TMEM183A: variants seen among roughly 807,000 people sequenced by gnomAD.
The protein encoded by TMEM183A is chromosome 1 open reading frame 37.
TMEM183A carries 21 observed loss-of-function variants against 46.7 expected under a neutral mutation model. That is an observed-to-expected ratio of 0.45 (90% confidence interval 0.32 to 0.65). The LOEUF is 0.65. Among genes scored for constraint, TMEM183A ranks in the 30% least tolerant of loss-of-function variants. The pLI is 0.04. For synonymous variants in TMEM183A, 165 were observed against 180.2 expected (o/e 0.92, Z 0.68); for missense variants, 331 against 481.9 (o/e 0.69, Z 2.93).
At position 203,024,480 on chromosome 1, in the gene TMEM183A, A is replaced by ATTTTTTTTTT. The variant is rs111906628; in HGVS notation, c.*1445_*1446insTTTTTTTTTT. ...TTGTGAGGCAAACTGCTAAATTCAC[A>ATTTTTTTTTT]TTTTTGTTTTTTTTTTTTTACCATC... is the stretch of plus-strand genomic sequence containing the variant. On this transcript the variant is annotated 3_prime_UTR_variant, in exon 8 of 8. Coordinates refer to ENST00000367242, the MANE Select transcript of TMEM183A (RefSeq NM_138391.6). The ATTTTTTTTTT allele has an allele frequency of 1.4e-5, 2 of 143,274 alleles. No individual in the cohort carries two copies. Among genetic ancestry groups the ATTTTTTTTTT allele is most frequent in the African/African-American group, 5.1e-5 (2 of 39,266 alleles). The allele number at this position is 143,274 out of a possible 1,614,324, so 8.9% of individuals were successfully genotyped here.
chr1:203,007,947 G>A, intron 2 of TMEM183A, 84 bp downstream of exon 2: 1 of 1,538,974 alleles, frequency 6.5e-7, no homozygotes, highest in South Asian at 1.2e-5. Flanking sequence ...CAGTCCTTTA[G>A]TCGTCTTCCT....
At chr1:203,008,942 C>T (rs1656279058) in intron 3 of TMEM183A, 132 bp downstream of exon 3, 3 of 930,256 alleles carry the variant, frequency 3.2e-6, no homozygotes, top group South Asian at 5.8e-5. Flanking sequence ...TTGGCTCTCC[C>T]TAAGAACCTT....
intron 3 of TMEM183A, among the ~76,000 whole-genome samples, chr1:203,009,929 T>G (rs187972910): frequency 6.6e-6 from 1 of 151,914 alleles, no homozygotes. Context: ...AGGTCAGGAG[T>G]TCGAGACCAT....
chr1:203,013,956 T>C lies in TMEM183A; in HGVS notation c.368-933T>C, dbSNP rs1335039896. Among the ~76,000 whole-genome samples, 2 of 152,058 alleles carry C rather than the reference T, an allele frequency of 1.3e-5. No individual in the cohort carries two copies. Among genetic ancestry groups the C allele is most frequent in the South Asian group, 2.1e-4 (1 of 4,828 alleles). ...TTTTAGTAGAGATGGAGTTTCACCATGTTGGCCAGGATGGTCTCGATCTCT... is the reference window on the plus strand; with the variant it reads ...TTTTAGTAGAGATGGAGTTTCACCACGTTGGCCAGGATGGTCTCGATCTCT... On this transcript the variant is annotated intron_variant, in intron 3 of 7. Transcript: ENST00000367242. The surrounding 1 kb of genome is among the most constrained non-coding windows in gnomAD (Gnocchi z 4.0).
At chr1:203,022,642 G>T (rs1657804645) in intron 7 of TMEM183A, among the ~76,000 whole-genome samples, 1 of 151,482 alleles carries the variant, frequency 6.6e-6, no homozygotes, top group Non-Finnish European at 1.5e-5. Context: ...GGCGGAGGTT[G>T]CAGTGAGCCG....
chr1:203,022,796 T>G (rs1434581057), intron 7 of TMEM183A, 59 bp from the exon 8 acceptor site: 2 of 1,609,064 alleles, frequency 1.2e-6, no homozygotes, highest in South Asian at 2.2e-5. Context: ...CATTTCAGAG[T>G]GAGCTCTTGG....
At chr1:203,014,795 T>G in intron 3 of TMEM183A, 94 bp from the exon 4 acceptor site, 2 of 1,510,702 alleles carry the variant, frequency 1.3e-6, no homozygotes, top group Non-Finnish European at 1.8e-6. Context: ...AACCATTTTC[T>G]TAACTGTGCA....
Position 203,018,645 on chromosome 1 carries a change from C to T in TMEM183A, c.789+84C>T. The T allele has an allele frequency of 4.2e-6, 6 of 1,417,690 alleles. No homozygotes were observed. In the South Asian group the frequency reaches 7.4e-5, roughly 17 times the overall value. The allele number at this position is 1,417,690 out of a possible 1,614,324, so 87.8% of individuals were successfully genotyped here. A position where few individuals can be genotyped will look rare whatever the true frequency, so the allele number is the denominator to read the frequency against. On this transcript the variant is annotated intron_variant, in intron 6 of 7. Transcript: ENST00000367242. The stretch of plus-strand genomic sequence containing the variant: ...TATCTTTCTTAGTCTGTTTGTGTTG[C>T]TATAACAGTACCACAGATTCTGGGT...
At chr1:203,007,679 G>A (rs935607423) in intron 1 of TMEM183A, 95 bp from the exon 2 acceptor site, 1 of 1,554,916 alleles carries the variant, frequency 6.4e-7, no homozygotes, top group Non-Finnish European at 8.7e-7. Context: ...CTGGAGGGCG[G>A]CTCGGTCCGG....
intron 5 of TMEM183A, among the ~76,000 whole-genome samples, chr1:203,016,874 T>G (rs1402602790): frequency 6.6e-6 from 1 of 152,180 alleles, no homozygotes; most frequent in Non-Finnish European, 1.5e-5. Flanking sequence ...CTGATGAAAT[T>G]ACTAAATCAC....
intron 4 of TMEM183A, chr1:203,015,253 C>T: frequency 1.4e-6 from 1 of 719,814 alleles, no homozygotes; most frequent in Admixed American, 3.1e-5. Context: ...GTGTGGTTGC[C>T]TCCTTCCCCA....
In TMEM183A at chr1:203,016,057, C is replaced by G; in HGVS notation, c.625C>G (p.His209Asp). 6.2e-7 allele frequency: 1 copy of G among 1,614,162 alleles called. No homozygotes were observed. The highest frequency in any genetic ancestry group is 8.5e-7 in the Non-Finnish European group (1 of 1,180,002). The change falls in exon 5 of 8, where the codon CAT (histidine) becomes GAT (aspartate). Residue 209 changes from histidine to aspartate, a missense_variant. This residue lies in a region of TMEM183A where 233 missense variants were observed against 385.8 expected (regional missense o/e 0.60). Transcript: ENST00000367242. ...LRACVIRSLY[H>D]MYEPFAARIS... ...GGCTTGTGTGATCCGATCTCTGTAC[C>G]ATATGTATGAGCCATTTGCTGCTCG...
intron 3 of TMEM183A, among the ~76,000 whole-genome samples, chr1:203,010,783 A>G (rs1385265481): frequency 1.3e-5 from 2 of 152,226 alleles, no homozygotes; most frequent in East Asian, 1.9e-4. Flanking sequence ...GCAACCATCA[A>G]CATGGTCTAA....
rs889287867 is a variant in TMEM183A, at chr1:203,023,333, A to G, written c.*293A>G. On this transcript the variant is annotated 3_prime_UTR_variant, in exon 8 of 8. Coordinates refer to ENST00000367242, the MANE Select transcript of TMEM183A (RefSeq NM_138391.6). ...GTTCTTTATTCTTTTATCCCAGTGA[A>G]AATTGTTGATCTTGCTGTAGGGAAA... 5.6e-6 allele frequency: 1 copy of G among 179,078 alleles called. No homozygotes were observed. The highest frequency in any genetic ancestry group is 1.2e-5 in the Non-Finnish European group (1 of 85,614). The allele number at this position is 179,078 out of a possible 1,614,324, so 11.1% of individuals were successfully genotyped here.
intron 6 of TMEM183A, 44 bp from the exon 7 acceptor site, chr1:203,020,746 TATA>T (rs751904215): frequency 6.2e-7 from 1 of 1,612,310 alleles, no homozygotes. Context: ...CTTAGAGCCA[TATA>T]ATGTTTCTTC....
At chr1:203,019,294 A>G (rs1379784990) in intron 6 of TMEM183A, among the ~76,000 whole-genome samples, 1 of 152,238 alleles carries the variant, frequency 6.6e-6, no homozygotes, top group Non-Finnish European at 1.5e-5. Flanking sequence ...AAAAGGTAAG[A>G]GGAACTATGC....
In TMEM183A at chr1:203,023,464, A is replaced by T. The variant is rs1258617332; in HGVS notation, c.*424A>T. The T allele has an allele frequency of 6.5e-6, 1 of 152,922 alleles. No homozygotes were observed. The highest frequency in any genetic ancestry group is 2.4e-5 in the African/African-American group (1 of 41,400). The allele number at this position is 152,922 out of a possible 1,614,324, so 9.5% of individuals were successfully genotyped here. A position where few individuals can be genotyped will look rare whatever the true frequency, so the allele number is the denominator to read the frequency against. On this transcript the variant is annotated 3_prime_UTR_variant, in exon 8 of 8. Transcript: ENST00000367242. ...TTGCTTCCAGTTTAGCTGCCCCTCAAATTCAAGTGAATATTTTCCCTTCTC... is the reference window on the plus strand; with the variant it reads ...TTGCTTCCAGTTTAGCTGCCCCTCATATTCAAGTGAATATTTTCCCTTCTC...
Position 203,013,821 on chromosome 1 carries a change from A to G in TMEM183A, c.368-1068A>G, listed in dbSNP as rs770633404. Among the ~76,000 whole-genome samples, 15 of 140,506 alleles carry G rather than the reference A, an allele frequency of 1.1e-4. No individual in the cohort carries two copies. Among genetic ancestry groups the G allele is most frequent in the Non-Finnish European group, 2.1e-4 (14 of 65,890 alleles). The allele number at this position is 140,506 out of a possible 152,430, so 92.2% of individuals were successfully genotyped here. ...AGCCACCGTGCCCGGCCTAAGTGCCATCTCAGCTCACTGCAACCTCCACCT... is the reference window on the plus strand; with the variant it reads ...AGCCACCGTGCCCGGCCTAAGTGCCGTCTCAGCTCACTGCAACCTCCACCT... On this transcript the variant is annotated intron_variant, in intron 3 of 7. Transcript: ENST00000367242. The surrounding 1 kb of genome is among the most constrained non-coding windows in gnomAD (Gnocchi z 4.0).
chr1:203,008,523 T>C (rs1036422509), intron 2 of TMEM183A, 120 bp from the exon 3 acceptor site: 11 of 791,734 alleles, frequency 1.4e-5, no homozygotes, highest in Non-Finnish European at 1.9e-5. Flanking sequence ...TTCTCACCTT[T>C]CTCTCTCAAC....
Sources: allele counts gnomAD v4.1 joint callset (sites outside exome capture counted in the v4.1 genomes callset), GRCh38; gene constraint gnomAD v4.1.1; regional missense constraint gnomAD v4.1.1; non-coding constraint Gnocchi (gnomAD v3.1); transcripts MANE v1.5; gene names NCBI Gene and HGNC (gene_info 2026-07-23, HGNC 2026-07-21).